PTPRZ1: variants seen among roughly 807,000 people sequenced by gnomAD.
PTPRZ1 encodes receptor-type tyrosine-protein phosphatase zeta.
In PTPRZ1, 82 loss-of-function variants were observed where a neutral mutation model predicts 214.1. That is an observed-to-expected ratio of 0.38 (90% CI 0.32 to 0.46). PTPRZ1 has a LOEUF of 0.46. Ranked by LOEUF, PTPRZ1 falls within the 20% of genes least tolerant of loss-of-function variation. The pLI is 1.00. For missense variants in PTPRZ1, 2,603 were observed against 2,748.7 expected (o/e 0.95, Z 1.19); for synonymous variants, 945 against 987.9 (o/e 0.96, Z 0.81).
chr7:122,050,029 A>G (rs1792120240), intron 23 of PTPRZ1, among the ~76,000 whole-genome samples: 2 of 152,212 alleles, frequency 1.3e-5, no homozygotes, highest in African/African-American at 4.8e-5. Context: ...GAAAATTTTC[A>G]TGTCAAAAAA....
chr7:121,916,236 T>C (rs1795421821), intron 1 of PTPRZ1, among the ~76,000 whole-genome samples: 1 of 144,698 alleles, frequency 6.9e-6, no homozygotes, highest in African/African-American at 2.6e-5. Flanking sequence ...ATCGTGCCAC[T>C]GCACTCCTGA....
intron 15 of PTPRZ1, among the ~76,000 whole-genome samples, chr7:122,032,980 A>G (rs562364636): frequency 2.0e-5 from 3 of 152,276 alleles, no homozygotes; most frequent in African/African-American, 7.2e-5. Flanking sequence ...CTAACATCTA[A>G]CAAAATAAGA....
intron 19 of PTPRZ1, 123 bp downstream of exon 19, chr7:122,039,012 G>A (rs1799634036): frequency 9.5e-7 from 1 of 1,051,066 alleles, no homozygotes; most frequent in Non-Finnish European, 1.4e-6. Context: ...TTCTTTTTTA[G>A]TAAATATGAC....
At position 121,873,622 on chromosome 7, in the gene PTPRZ1, C is replaced by T. The variant is rs754556298; in HGVS notation, c.58+65C>T. The T allele has an allele frequency of 3.2e-4, 509 of 1,575,780 alleles. 1 individual carries two copies. Among genetic ancestry groups the T allele is most frequent in the Middle Eastern group, 2.9e-3 (17 of 5,936 alleles). ...CGGTGGGATGAGGGTGGGAGCATTT[C>T]AGCGTGTCCGCGACTTGCCGCCGCC... is the stretch of plus-strand genomic sequence containing the variant. On this transcript the variant is annotated intron_variant, in intron 1 of 29. Transcript: ENST00000393386.
At chr7:121,910,888 A>C (rs1795252601) in intron 1 of PTPRZ1, among the ~76,000 whole-genome samples, 1 of 152,238 alleles carries the variant, frequency 6.6e-6, no homozygotes, top group African/African-American at 2.4e-5. Context: ...AAGGAATGTC[A>C]AGATTCTAGT....
chr7:122,056,726 C>T (rs765333676), intron 27 of PTPRZ1, among the ~76,000 whole-genome samples: 5 of 151,800 alleles, frequency 3.3e-5, no homozygotes, highest in Non-Finnish European at 7.4e-5. Context: ...AGAAATAGAA[C>T]ATGGCCTTGA....
At chr7:122,053,304 G>A (rs1792246769) in intron 25 of PTPRZ1, among the ~76,000 whole-genome samples, 1 of 152,116 alleles carries the variant, frequency 6.6e-6, no homozygotes, top group South Asian at 2.1e-4. Context: ...ATTTACTATG[G>A]CATATCTGCA....
At chr7:121,934,915 T>C (rs916613565) in intron 2 of PTPRZ1, among the ~76,000 whole-genome samples, 2 of 152,212 alleles carry the variant, frequency 1.3e-5, no homozygotes, top group Non-Finnish European at 2.9e-5. Flanking sequence ...TCAGAACCTA[T>C]GTGTATTGAC....
rs1020318549 is a variant in PTPRZ1 at position 122,031,490 on chromosome 7, T to A, written c.5097T>A (p.Ile1699=). The A allele has an allele frequency of 1.9e-6, 3 of 1,611,348 alleles. No homozygotes were observed. The highest frequency in any genetic ancestry group is 1.7e-4 in the Middle Eastern group (1 of 6,044). Residue 1699 remains isoleucine, a synonymous_variant, in exon 15 of 30, where the codon ATT becomes ATA. Transcript: ENST00000393386. ...TTCACGTAGATGATGTCGGAGCAAT[T>A]CCAATAAAGCACTTTCCAAAGCATG... ...IFPISDDVGA[I]PIKHFPKHVA...
In PTPRZ1 at chr7:122,010,820, G is replaced by T. The variant is rs375597072; in HGVS notation, c.1774G>T (p.Ala592Ser). 1.9e-6 allele frequency: 3 copies of T among 1,613,830 alleles called. No individual in the cohort carries two copies. The highest frequency in any genetic ancestry group is 2.7e-5 in the African/African-American group (2 of 74,868). The change falls in exon 12 of 30, where the codon GCA (alanine) becomes TCA (serine). Residue 592 changes from alanine (A) to serine (S), a missense_variant. Coordinates refer to ENST00000393386, the MANE Select transcript of PTPRZ1 (RefSeq NM_002851.3). ...TGAAGATTCTTCAGGCTCCAGTCCCGCAACTTCTGCTATCCCATTCATCTC... is the reference window on the plus strand; with the variant it reads ...TGAAGATTCTTCAGGCTCCAGTCCCTCAACTTCTGCTATCCCATTCATCTC... ...GAEDSSGSSPATSAIPFISEN... is the reference protein window; with the variant it reads ...GAEDSSGSSPSTSAIPFISEN...
chr7:121,940,896 C>A (rs1584663388), intron 2 of PTPRZ1, among the ~76,000 whole-genome samples: 1 of 152,224 alleles, frequency 6.6e-6, no homozygotes, highest in South Asian at 2.1e-4. Flanking sequence ...ATTACCTTCC[C>A]CCTGCCTGCT....
chr7:122,014,815 A>G (rs909029331), intron 12 of PTPRZ1, among the ~76,000 whole-genome samples: 1 of 152,162 alleles, frequency 6.6e-6, no homozygotes, highest in South Asian at 2.1e-4. Context: ...GTTAAAAAAA[A>G]TTTTAATTTT....
chr7:122,043,464 T>C (rs1051906707), intron 22 of PTPRZ1, among the ~76,000 whole-genome samples: 2 of 152,180 alleles, frequency 1.3e-5, no homozygotes, highest in Admixed American at 1.3e-4. Flanking sequence ...CCATATAGTT[T>C]ACCCGTAAGT....
At chr7:121,913,177 C>G (rs1484779202) in intron 1 of PTPRZ1, among the ~76,000 whole-genome samples, 3 of 152,056 alleles carry the variant, frequency 2.0e-5, no homozygotes, top group African/African-American at 7.2e-5. Context: ...CCATATGATG[C>G]ATGAGAAGGC....
At chr7:121,886,609 A>G (rs758180895) in intron 1 of PTPRZ1, among the ~76,000 whole-genome samples, 3 of 152,116 alleles carry the variant, frequency 2.0e-5, no homozygotes, top group Non-Finnish European at 4.4e-5. Context: ...TACTTATTTG[A>G]CATAAATTAT....
chr7:121,931,969 A>G (rs1795939469), intron 2 of PTPRZ1, among the ~76,000 whole-genome samples: 1 of 152,148 alleles, frequency 6.6e-6, no homozygotes, highest in Non-Finnish European at 1.5e-5. Context: ...GATGTTCCAG[A>G]GTCAGGGTGA....
intron 2 of PTPRZ1, among the ~76,000 whole-genome samples, chr7:121,963,800 C>T (rs1796953619): frequency 6.6e-6 from 1 of 152,042 alleles, no homozygotes. Flanking sequence ...ATCCCAAGAA[C>T]ATGGTCACTT....
chr7:121,917,055 T>C (rs919071440), intron 1 of PTPRZ1, among the ~76,000 whole-genome samples: 7 of 152,224 alleles, frequency 4.6e-5, no homozygotes, highest in Non-Finnish European at 8.8e-5. Context: ...TAGACCGTAC[T>C]TAAGCTGTAC....
chr7:122,034,023 CTT>C, intron 15 of PTPRZ1, 70 bp from the exon 16 acceptor site: 1 of 1,390,526 alleles, frequency 7.2e-7, no homozygotes, highest in South Asian at 1.3e-5. Context: ...AATATGAACG[CTT>C]TTTTTTCTCA....
Sources: gnomAD v4.1 joint callset for allele counts (sites outside exome capture counted in the v4.1 genomes callset) on GRCh38, gnomAD v4.1.1 for gene constraint, MANE v1.5 for transcripts, NCBI Gene and HGNC (gene_info 2026-07-23, HGNC 2026-07-21) for gene names.